The following LMX1B variants were observed in gnomAD, a reference collection of about 807,000 sequenced individuals.
LMX1B encodes the protein LIM homeobox transcription factor 1 beta.
LMX1B carries 12 observed loss-of-function variants against 51.4 expected under a neutral mutation model. The observed-to-expected ratio is 0.23, with a 90% CI of 0.15 to 0.38. The LOEUF (loss-of-function observed/expected upper bound fraction) is 0.38. LMX1B is among the 10% of genes least tolerant of loss of function. The pLI is 1.00. For missense variants in LMX1B, 445 were observed against 571.1 expected, an observed-to-expected ratio of 0.78 and a Z score of 2.25; for synonymous variants, 237 against 235.4, an observed-to-expected ratio of 1.01 and a Z score of -0.06.
intron 2 of LMX1B, among the ~76,000 whole-genome samples, chr9:126,616,806 G>T (rs376767629): frequency 2.0e-5 from 3 of 152,334 alleles, no homozygotes; most frequent in East Asian, 3.9e-4. Context: ...AACAGTGCAG[G>T]CCAGAGCCCT....
At chr9:126,663,228 A>T (rs926138467) in intron 2 of LMX1B, among the ~76,000 whole-genome samples, 4 of 151,936 alleles carry the variant, frequency 2.6e-5, no homozygotes, top group Admixed American at 2.0e-4. Context: ...GGAGTTCGAG[A>T]CCAGCCTGAC....
chr9:126,654,448 C>T (rs138097596), intron 2 of LMX1B, among the ~76,000 whole-genome samples: 3 of 152,294 alleles, frequency 2.0e-5, no homozygotes, highest in Non-Finnish European at 2.9e-5. Flanking sequence ...AGGTGGGGAA[C>T]GGGCACCTGA....
At position 126,615,312 on chromosome 9, in the gene LMX1B, C is replaced by A; in HGVS notation, c.140-71C>A. 7.8e-7 allele frequency: 1 copy of A among 1,279,372 alleles called. No individual in the cohort carries two copies. The highest frequency in any genetic ancestry group is 1.0e-6 in the Non-Finnish European group (1 of 985,260). The allele number at this position is 1,279,372 out of a possible 1,614,324, so 79.3% of individuals were successfully genotyped here. On this transcript the variant is annotated intron_variant, in intron 1 of 7. Coordinates refer to ENST00000373474, the MANE Select transcript of LMX1B (RefSeq NM_001174147.2). This position sits in a 1 kb window ranked among gnomAD's most constrained non-coding sequence, Gnocchi z 6.0. ...GCCCTCGGGGCCGAGGGCTGTGGGC[C>A]CGGTGCGACCGGGACGCCGGGGCTG...
At chr9:126,642,237 G>A (rs1417646349) in intron 2 of LMX1B, among the ~76,000 whole-genome samples, 2 of 152,172 alleles carry the variant, frequency 1.3e-5, no homozygotes, top group Non-Finnish European at 2.9e-5. Flanking sequence ...GCAGCTGGCT[G>A]AGCGGACCTG....
rs766093015 is a variant in LMX1B, at chr9:126,671,442, T to C, written c.327-19394T>C. 4.0e-4 allele frequency among the ~76,000 whole-genome samples: 60 copies of C among 151,842 alleles called. No homozygotes were observed. The highest frequency in any genetic ancestry group is 6.9e-4 in the Non-Finnish European group (47 of 67,942). ...GCCAGCCAGGGCCGAGGGGCCCATC[T>C]TTGTTCCGAGCAGAGCTCAGACTGC... is the stretch of plus-strand genomic sequence containing the variant. On this transcript the variant is annotated intron_variant, in intron 2 of 7. Coordinates refer to ENST00000373474, the MANE Select transcript of LMX1B (RefSeq NM_001174147.2). This position sits in a 1 kb window ranked among gnomAD's most constrained non-coding sequence, Gnocchi z 4.4.
intron 2 of LMX1B, among the ~76,000 whole-genome samples, chr9:126,642,864 G>A (rs1307120613): frequency 1.3e-5 from 2 of 152,216 alleles, no homozygotes; most frequent in Non-Finnish European, 2.9e-5. Flanking sequence ...TGTGGACAGG[G>A]ACCCCGTCCA....
In LMX1B at chr9:126,658,817, G is replaced by C. The variant is rs957166919; in HGVS notation, c.327-32019G>C. 6.6e-6 allele frequency among the ~76,000 whole-genome samples: 1 copy of C among 152,270 alleles called. No homozygotes were observed. Among genetic ancestry groups the C allele is most frequent in the Non-Finnish European group, 1.5e-5 (1 of 68,050 alleles). On this transcript the variant is annotated intron_variant, in intron 2 of 7. Coordinates refer to ENST00000373474, the MANE Select transcript of LMX1B (RefSeq NM_001174147.2). The surrounding 1 kb of genome is among the most constrained non-coding windows in gnomAD (Gnocchi z 4.0). ...TTCATTGCAGCAGGAGAGACCGGGG[G>C]TTCAAATTCAGAAAGCCCCCTTGCC... is the stretch of plus-strand genomic sequence containing the variant.
intron 2 of LMX1B, among the ~76,000 whole-genome samples, chr9:126,668,827 C>T (rs955054481): frequency 4.6e-5 from 7 of 152,232 alleles, no homozygotes. Flanking sequence ...CCTAACCCCA[C>T]ATCCCCCAGG....
intron 2 of LMX1B, among the ~76,000 whole-genome samples, chr9:126,664,063 A>T (rs1443109458): frequency 1.3e-5 from 2 of 152,164 alleles, no homozygotes; most frequent in Non-Finnish European, 2.9e-5. Flanking sequence ...GTCCTGTGCC[A>T]GGCTCTTGTC....
At chr9:126,633,717 T>C (rs1835669176) in intron 2 of LMX1B, among the ~76,000 whole-genome samples, 1 of 152,238 alleles carries the variant, frequency 6.6e-6, no homozygotes, top group Admixed American at 6.5e-5. Context: ...GACATGGTTA[T>C]ACAGCACGCA....
chr9:126,659,339 C>A (rs1836183108), intron 2 of LMX1B, among the ~76,000 whole-genome samples: 1 of 152,240 alleles, frequency 6.6e-6, no homozygotes, highest in South Asian at 2.1e-4. Flanking sequence ...GGAAGGCGCC[C>A]TCCAGCAGCG....
At chr9:126,685,496 G>A (rs1836753428) in intron 2 of LMX1B, among the ~76,000 whole-genome samples, 1 of 152,178 alleles carries the variant, frequency 6.6e-6, no homozygotes, top group East Asian at 1.9e-4. Context: ...TCTCTGAAGT[G>A]GTAGGTAGCA....
intron 2 of LMX1B, among the ~76,000 whole-genome samples, chr9:126,617,094 G>A (rs1285744409): frequency 1.3e-5 from 2 of 152,176 alleles, no homozygotes; most frequent in Non-Finnish European, 2.9e-5. Context: ...AGAGGGAGAC[G>A]CCAGTCCGTT....
Position 126,695,993 on chromosome 9 carries a change from G to A in LMX1B, c.1041G>A (p.Met347Ile), listed in dbSNP as rs376607391. Residue 347 changes from methionine (M) to isoleucine (I), a missense_variant, in exon 7 of 8, where the codon ATG becomes ATA. Transcript: ENST00000373474. The surrounding 1 kb of genome is among the most constrained non-coding windows in gnomAD (Gnocchi z 5.2). ...LTPPQMPGDH[M>I]NPYGNDSIFH... ...CGCCCCAAATGCCAGGTGACCACAT[G>A]AACCCCTATGGTAAGCCGCCCTACC... The A allele has an allele frequency of 5.6e-6, 9 of 1,608,590 alleles. No individual in the cohort carries two copies. In the African/African-American group the frequency reaches 1.2e-4, roughly 22 times the overall value.
At chr9:126,655,973 G>A (rs1836108778) in intron 2 of LMX1B, among the ~76,000 whole-genome samples, 1 of 152,154 alleles carries the variant, frequency 6.6e-6, no homozygotes, top group African/African-American at 2.4e-5. Flanking sequence ...AAAAATAAAA[G>A]CAGAGGATCA....
chr9:126,687,202 G>A (rs1019740019), intron 2 of LMX1B, among the ~76,000 whole-genome samples: 3 of 150,768 alleles, frequency 2.0e-5, no homozygotes, highest in South Asian at 2.1e-4. Flanking sequence ...CCCCATGGTC[G>A]GGGATGATCA....
chr9:126,648,601 T>C (rs1835946461), intron 2 of LMX1B, among the ~76,000 whole-genome samples: 1 of 152,134 alleles, frequency 6.6e-6, no homozygotes, highest in African/African-American at 2.4e-5. Context: ...GGGACGATCA[T>C]TAATATAAAG....
chr9:126,647,227 G>T (rs541508072), intron 2 of LMX1B, among the ~76,000 whole-genome samples: 3 of 151,896 alleles, frequency 2.0e-5, no homozygotes, highest in Non-Finnish European at 4.4e-5. Context: ...AAAAAAAAAT[G>T]CTAGGAAAAA....
chr9:126,681,714 A>G (rs1171313308), intron 2 of LMX1B, among the ~76,000 whole-genome samples: 1 of 152,094 alleles, frequency 6.6e-6, no homozygotes, highest in African/African-American at 2.4e-5. Flanking sequence ...CAGCCTGGCC[A>G]ACATAGTGAA....
Sources: gnomAD v4.1 joint callset for allele counts (sites outside exome capture counted in the v4.1 genomes callset) on GRCh38, gnomAD v4.1.1 for gene constraint, Gnocchi (gnomAD v3.1) non-coding constraint, MANE v1.5 for transcripts, NCBI Gene and HGNC (gene_info 2026-07-23, HGNC 2026-07-21) for gene names.